The following STK17B variants were observed in gnomAD, a reference collection of about 807,000 sequenced individuals.
STK17B encodes serine/threonine kinase 17b.
STK17B carries 21 observed loss-of-function variants against 42.0 expected under a neutral mutation model. That is an observed-to-expected ratio of 0.50 (90% CI 0.35 to 0.72). The LOEUF (loss-of-function observed/expected upper bound fraction) is 0.72. Among genes scored for constraint, STK17B ranks in the 30% least tolerant of loss-of-function variants. STK17B has a pLI of 0.00. For missense variants in STK17B, 349 were observed against 446.0 expected (o/e 0.78, Z 1.96); for synonymous variants, 143 against 148.4 (o/e 0.96, Z 0.26).
At chr2:196,142,509 C>G (rs185561734) in intron 5 of STK17B, among the ~76,000 whole-genome samples, 2 of 151,518 alleles carry the variant, frequency 1.3e-5, no homozygotes, top group Non-Finnish European at 2.9e-5. Flanking sequence ...CATATTATTT[C>G]GAATTAGTAC....
upstream of STK17B, among the ~76,000 whole-genome samples, chr2:196,174,889 G>A (rs1699984271): frequency 6.6e-6 from 1 of 152,220 alleles, no homozygotes; most frequent in Non-Finnish European, 1.5e-5. Flanking sequence ...ACTGGTACAA[G>A]TGTCTTCCTT....
intron 2 of STK17B, among the ~76,000 whole-genome samples, chr2:196,158,594 T>C (rs541254129): frequency 6.6e-6 from 1 of 152,224 alleles, no homozygotes; most frequent in South Asian, 2.1e-4. Flanking sequence ...ATAAATTGAG[T>C]CAGAATAAGA....
intron 1 of STK17B, among the ~76,000 whole-genome samples, chr2:196,168,826 C>A (rs570465768): frequency 6.6e-6 from 1 of 152,118 alleles, no homozygotes; most frequent in South Asian, 2.1e-4. Flanking sequence ...AAGAAATAGC[C>A]TTTGATAACA....
At chr2:196,166,923 G>A (rs977178133) in intron 1 of STK17B, among the ~76,000 whole-genome samples, 3 of 152,144 alleles carry the variant, frequency 2.0e-5, no homozygotes, top group South Asian at 2.1e-4. Flanking sequence ...TGTCTGTTTT[G>A]ATTCCTTCAT....
At chr2:196,155,854 A>G (rs1488178521) in intron 3 of STK17B, among the ~76,000 whole-genome samples, 1 of 152,172 alleles carries the variant, frequency 6.6e-6, no homozygotes, top group Non-Finnish European at 1.5e-5. Flanking sequence ...GGGTGTTTTC[A>G]CTTTTTCACA....
intron 2 of STK17B, among the ~76,000 whole-genome samples, 158 bp from the exon 3 acceptor site, chr2:196,156,809 C>T (rs544673545): frequency 3.3e-5 from 5 of 152,188 alleles, no homozygotes; most frequent in African/African-American, 7.2e-5. Flanking sequence ...AAATATCATA[C>T]GTACTTTTAT....
At chr2:196,164,727 A>G (rs1216835771) in intron 1 of STK17B, among the ~76,000 whole-genome samples, 1 of 152,126 alleles carries the variant, frequency 6.6e-6, no homozygotes, top group Non-Finnish European at 1.5e-5. Flanking sequence ...TTCAGTTTCT[A>G]CATTTTCTCT....
chr2:196,176,339 C>T (rs1183794213), upstream of STK17B: 2 of 152,192 alleles, frequency 1.3e-5, no homozygotes, highest in African/African-American at 2.4e-5. Context: ...TCCCAGGTGT[C>T]TACCACACGT....
At chr2:196,149,651 A>G (rs17300938) in intron 3 of STK17B, among the ~76,000 whole-genome samples, 2,984 of 152,360 alleles carry the variant, frequency 0.02, 49 homozygotes, top group Non-Finnish European at 0.03. Context: ...TATATTCTTA[A>G]GTGAAAAAGG....
intron 2 of STK17B, among the ~76,000 whole-genome samples, chr2:196,161,177 T>C (rs887693595): frequency 6.6e-6 from 1 of 152,032 alleles, no homozygotes; most frequent in African/African-American, 2.4e-5. Context: ...ATAGGAAAGA[T>C]TGCTGCGCTG....
chr2:196,141,406 T>C, intron 5 of STK17B, 109 bp from the exon 6 acceptor site: 1 of 846,392 alleles, frequency 1.2e-6, no homozygotes, highest in Non-Finnish European at 1.9e-6. Context: ...ATGCCTGTAA[T>C]CTCAGCACTT....
At chr2:196,164,332 G>C (rs986824085) in intron 1 of STK17B, among the ~76,000 whole-genome samples, 1 of 152,126 alleles carries the variant, frequency 6.6e-6, no homozygotes, top group Non-Finnish European at 1.5e-5. Flanking sequence ...TGTATGAAGT[G>C]CTCAATAATT....
At chr2:196,141,869 A>G (rs1699498417) in intron 5 of STK17B, among the ~76,000 whole-genome samples, 1 of 152,152 alleles carries the variant, frequency 6.6e-6, no homozygotes, top group African/African-American at 2.4e-5. Flanking sequence ...ATTTAGGTTA[A>G]TCTCAGAAAA....
At position 196,133,788 on chromosome 2, in the gene STK17B, TA is replaced by T; in HGVS notation, c.*3658del. ...ATTTTTTTTACTGGAATACTCATAA[TA>T]ATGTCTGTCTATATGCCTTAAGCAA... On this transcript the variant is annotated 3_prime_UTR_variant, in exon 8 of 8. Coordinates refer to ENST00000263955, the MANE Select transcript of STK17B (RefSeq NM_004226.4). 6.6e-6 allele frequency: 1 copy of T among 152,354 alleles called. No individual in the cohort carries two copies. Among genetic ancestry groups the T allele is most frequent in the East Asian group, 1.9e-4 (1 of 5,190 alleles). The allele number at this position is 152,354 out of a possible 1,614,324, so 9.4% of individuals were successfully genotyped here. A position where few individuals can be genotyped will look rare whatever the true frequency, so the allele number is the denominator to read the frequency against.
At chr2:196,151,725 A>G (rs1485482997) in intron 3 of STK17B, among the ~76,000 whole-genome samples, 1 of 152,162 alleles carries the variant, frequency 6.6e-6, no homozygotes, top group Non-Finnish European at 1.5e-5. Flanking sequence ...TCTCATGGAT[A>G]GTGGTGATGG....
At chr2:196,143,372 T>C (rs938231936) in intron 5 of STK17B, among the ~76,000 whole-genome samples, 188 bp downstream of exon 5, 1 of 131,816 alleles carries the variant, frequency 7.6e-6, no homozygotes, top group African/African-American at 2.7e-5. Flanking sequence ...TTGCTGTAAA[T>C]GTTTCATACT....
chr2:196,149,993 A>G (rs1699641029), intron 3 of STK17B, among the ~76,000 whole-genome samples: 1 of 152,142 alleles, frequency 6.6e-6, no homozygotes, highest in African/African-American at 2.4e-5. Context: ...CTCACACAAC[A>G]GAGGAACATA....
In STK17B at chr2:196,136,551, A is replaced by C. The variant is rs1699408630; in HGVS notation, c.*896T>G. 1 of 152,298 alleles carries C rather than the reference A, an allele frequency of 6.6e-6. No individual in the cohort carries two copies. Among genetic ancestry groups the C allele is most frequent in the Non-Finnish European group, 1.5e-5 (1 of 68,040 alleles). The allele number at this position is 152,298 out of a possible 1,614,324, so 9.4% of individuals were successfully genotyped here. ...TGGCTTGTATTCTAAGATGCAGAAG[A>C]CATCTAAAATTCAGTAAGCTGTCTG... On this transcript the variant is annotated 3_prime_UTR_variant, in exon 8 of 8. Transcript: ENST00000263955.
intron 1 of STK17B, among the ~76,000 whole-genome samples, chr2:196,169,505 A>G (rs74778541): frequency 3.3e-5 from 5 of 152,248 alleles, no homozygotes; most frequent in Non-Finnish European, 7.3e-5. Context: ...TCTAAAATTA[A>G]AGCAAAAATA....
Sources: gnomAD v4.1 joint callset for allele counts (sites outside exome capture counted in the v4.1 genomes callset) on GRCh38, gnomAD v4.1.1 for gene constraint, MANE v1.5 for transcripts, NCBI Gene and HGNC (gene_info 2026-07-23, HGNC 2026-07-21) for gene names.